Variants in ABCA8 observed in about 807,000 individuals in gnomAD.
ABCA8 encodes the protein ATP binding cassette subfamily A member 8, also known as ABC-type organic anion transporter ABCA8.
In ABCA8, 177 loss-of-function variants were observed where a neutral mutation model predicts 192.3. The ratio of observed to expected loss-of-function variants is 0.92; its 90% CI spans 0.81 to 1.04. The LOEUF is 1.04. Ranked by LOEUF, ABCA8 falls within the 50% of genes least tolerant of loss-of-function variation. The pLI is 0.00. For missense variants in ABCA8, 1,915 were observed against 1,904.8 expected (o/e 1.01, Z -0.10); for synonymous variants, 642 against 690.2 (o/e 0.93, Z 1.09).
intron 10 of ABCA8, among the ~76,000 whole-genome samples, chr17:68,926,104 T>C (rs575258270): frequency 6.6e-6 from 1 of 152,190 alleles, no homozygotes; most frequent in South Asian, 2.1e-4. Context: ...TGATAAAACA[T>C]GTACAAAGAG....
intron 4 of ABCA8, 115 bp downstream of exon 4, chr17:68,940,643 T>C (rs1252927672): frequency 3.3e-6 from 3 of 914,282 alleles, no homozygotes; most frequent in African/African-American, 1.7e-5. Flanking sequence ...TCCCAATTCA[T>C]GTACTCCAGA....
intron 14 of ABCA8, among the ~76,000 whole-genome samples, chr17:68,918,930 CAAAAAAA>C (rs34377045): frequency 1.5e-4 from 7 of 45,954 alleles, no homozygotes; most frequent in African/African-American, 4.6e-4. Flanking sequence ...AACTCTGTCT[CAAAAAAA>C]AAAAAAAAAA....
chr17:68,876,866 C>T (rs943757880), intron 33 of ABCA8, among the ~76,000 whole-genome samples, 163 bp from the exon 34 acceptor site: 2 of 151,906 alleles, frequency 1.3e-5, no homozygotes, highest in Non-Finnish European at 2.9e-5. Context: ...GACTTGCTCC[C>T]CTACAAAAGA....
At chr17:68,880,511 G>A (rs571218725) in intron 32 of ABCA8, among the ~76,000 whole-genome samples, 6 of 152,084 alleles carry the variant, frequency 3.9e-5, no homozygotes, top group Non-Finnish European at 8.8e-5. Flanking sequence ...GCAGCCCTTC[G>A]GGGATCCCAG....
intron 11 of ABCA8, among the ~76,000 whole-genome samples, chr17:68,924,305 C>T (rs1004513062): frequency 1.4e-5 from 2 of 148,060 alleles, no homozygotes; most frequent in African/African-American, 5.0e-5. Flanking sequence ...GAGATTGCAC[C>T]ATTGCACTCC....
At chr17:68,936,546 T>C in intron 5 of ABCA8, among the ~76,000 whole-genome samples, 1 of 152,118 alleles carries the variant, frequency 6.6e-6, no homozygotes, top group Non-Finnish European at 1.5e-5. Context: ...TGTCTATTTT[T>C]ATACCAGTAT....
intron 33 of ABCA8, among the ~76,000 whole-genome samples, chr17:68,876,929 G>C (rs1167910156): frequency 6.6e-6 from 1 of 152,126 alleles, no homozygotes; most frequent in Non-Finnish European, 1.5e-5. Flanking sequence ...CCAAATAGTT[G>C]TTCTATGACA....
intron 37 of ABCA8, among the ~76,000 whole-genome samples, chr17:68,872,422 T>C (rs1408830208): frequency 1.8e-5 from 2 of 113,520 alleles, no homozygotes; most frequent in Non-Finnish European, 3.4e-5. Flanking sequence ...ACTCTGGGAC[T>C]GTTGTGGGGT....
chr17:68,944,203 A>G (rs2068313412), intron 2 of ABCA8, among the ~76,000 whole-genome samples: 1 of 150,788 alleles, frequency 6.6e-6, no homozygotes, highest in African/African-American at 2.4e-5. Flanking sequence ...TACCTAATGC[A>G]TGTGGGGCTT....
At chr17:68,950,048 A>C (rs4968978) in intron 1 of ABCA8, among the ~76,000 whole-genome samples, 76,952 of 151,908 alleles carry the variant, frequency 0.51, 19,975 homozygotes, top group Middle Eastern at 0.59. Flanking sequence ...AAAACCCCAT[A>C]GTCTCAGCCC....
intron 24 of ABCA8, 111 bp downstream of exon 24, chr17:68,891,378 C>A: frequency 3.1e-6 from 2 of 645,946 alleles, no homozygotes; most frequent in Non-Finnish European, 2.5e-6. Flanking sequence ...GAATTTATGT[C>A]TGAATTGGCT....
intron 21 of ABCA8, among the ~76,000 whole-genome samples, chr17:68,902,035 A>G (rs897050088): frequency 2.6e-5 from 4 of 152,224 alleles, no homozygotes; most frequent in Non-Finnish European, 5.9e-5. Flanking sequence ...AATTATTGGG[A>G]AAAAATATAT....
chr17:68,938,547 C>A (rs865832196), intron 4 of ABCA8, among the ~76,000 whole-genome samples: 2 of 152,076 alleles, frequency 1.3e-5, no homozygotes, highest in South Asian at 2.1e-4. Flanking sequence ...ATAGTCAGTA[C>A]CTTCTAAGTC....
intron 38 of ABCA8, among the ~76,000 whole-genome samples, 197 bp downstream of exon 38, chr17:68,869,503 C>G (rs1373081579): frequency 6.6e-6 from 1 of 151,968 alleles, no homozygotes; most frequent in African/African-American, 2.4e-5. Flanking sequence ...TGAAAAAAAT[C>G]ACTCTCATTA....
intron 2 of ABCA8, among the ~76,000 whole-genome samples, chr17:68,947,173 T>C (rs1329528428): frequency 6.6e-6 from 1 of 152,214 alleles, no homozygotes; most frequent in Non-Finnish European, 1.5e-5. Flanking sequence ...ATAATTAAAA[T>C]GTTTATGGTA....
At chr17:68,871,079 A>T (rs2066038241) in intron 37 of ABCA8, among the ~76,000 whole-genome samples, 1 of 152,144 alleles carries the variant, frequency 6.6e-6, no homozygotes, top group Non-Finnish European at 1.5e-5. Flanking sequence ...CAGACTGGGC[A>T]ATTTATAATA....
chr17:68,946,366 G>C (rs11658489), intron 2 of ABCA8, among the ~76,000 whole-genome samples: 2 of 151,880 alleles, frequency 1.3e-5, no homozygotes, highest in South Asian at 4.2e-4. Flanking sequence ...GCACCCAGCC[G>C]CTTTTTACCA....
intron 10 of ABCA8, 139 bp from the exon 11 acceptor site, chr17:68,925,008 C>A (rs541721067): frequency 1.0e-4 from 74 of 732,392 alleles, no homozygotes; most frequent in Middle Eastern, 3.5e-4. Flanking sequence ...CACGTTTTGA[C>A]ACATGTAGCT....
At chr17:68,870,817 A>G (rs2066029199) in intron 37 of ABCA8, among the ~76,000 whole-genome samples, 1 of 152,222 alleles carries the variant, frequency 6.6e-6, no homozygotes, top group African/African-American at 2.4e-5. Flanking sequence ...GGGTGCAGGT[A>G]TCTCTTTGAG....
Sources: allele counts gnomAD v4.1 joint callset (sites outside exome capture counted in the v4.1 genomes callset), GRCh38; gene constraint gnomAD v4.1.1; transcripts MANE v1.5; gene names NCBI Gene and HGNC (gene_info 2026-07-23, HGNC 2026-07-21).